Variants in MYO3B observed in about 807,000 individuals in gnomAD.
MYO3B encodes the protein myosin-IIIb.
In MYO3B, 156 loss-of-function variants were observed where a neutral mutation model predicts 174.6. That is an observed-to-expected ratio of 0.89 (90% confidence interval 0.78 to 1.02). MYO3B has a LOEUF of 1.02. MYO3B is among the 50% of genes least tolerant of loss of function. The pLI is 0.00. For missense variants in MYO3B, 1,632 were observed against 1,639.4 expected (o/e 1.00, Z 0.08); for synonymous variants, 563 against 569.1 (o/e 0.99, Z 0.15).
At chr2:170,628,850 A>AT (rs1302134937) in intron 32 of MYO3B, among the ~76,000 whole-genome samples, 3 of 152,060 alleles carry the variant, frequency 2.0e-5, no homozygotes, top group African/African-American at 4.8e-5. Context: ...TTACCAAACA[A>AT]TTTTTTTTAA....
chr2:170,357,563 T>C (rs1251975898), intron 8 of MYO3B, among the ~76,000 whole-genome samples: 1 of 151,876 alleles, frequency 6.6e-6, no homozygotes, highest in Non-Finnish European at 1.5e-5. Flanking sequence ...CATTTTTCTG[T>C]TTGGTTTATA....
chr2:170,606,158 T>A (rs59514317), intron 32 of MYO3B, among the ~76,000 whole-genome samples: 10,743 of 152,166 alleles, frequency 0.071, 1,176 homozygotes, highest in African/African-American at 0.23. Context: ...GAAGAAATAA[T>A]CTGCTTCGTG....
intron 7 of MYO3B, among the ~76,000 whole-genome samples, chr2:170,299,666 G>T (rs1477176188): frequency 6.6e-6 from 1 of 152,170 alleles, no homozygotes; most frequent in Non-Finnish European, 1.5e-5. Flanking sequence ...TTTGTAACTG[G>T]CAAATGGCAG....
chr2:170,288,171 G>T (rs1475052630), intron 7 of MYO3B, among the ~76,000 whole-genome samples: 1 of 151,232 alleles, frequency 6.6e-6, no homozygotes, highest in Non-Finnish European at 1.5e-5. Flanking sequence ...CTCCAGCTTC[G>T]CTCTTTTTGC....
At chr2:170,453,811 A>ATT (rs1683755940) in intron 23 of MYO3B, among the ~76,000 whole-genome samples, 1 of 152,190 alleles carries the variant, frequency 6.6e-6, no homozygotes, top group Non-Finnish European at 1.5e-5. Flanking sequence ...TTCCACACCC[A>ATT]GTATTGACCT....
intron 8 of MYO3B, chr2:170,340,112 C>G (rs1282865903): frequency 6.6e-6 from 1 of 152,162 alleles, no homozygotes; most frequent in Non-Finnish European, 1.5e-5. Flanking sequence ...TGTCACTTTT[C>G]TTTTTAAGTT....
At chr2:170,542,656 TA>T (rs1186598365) in intron 30 of MYO3B, among the ~76,000 whole-genome samples, 7 of 152,156 alleles carry the variant, frequency 4.6e-5, no homozygotes, top group African/African-American at 1.7e-4. Context: ...CACACAACTT[TA>T]AAAGGAGCAG....
chr2:170,625,208 G>T (rs1045438139), intron 32 of MYO3B, among the ~76,000 whole-genome samples: 9 of 152,096 alleles, frequency 5.9e-5, no homozygotes, highest in Non-Finnish European at 1.3e-4. Context: ...GACTTTTTTT[G>T]GTTGGTAAGC....
chr2:170,400,389 G>C, intron 17 of MYO3B, 75 bp downstream of exon 17: 29 of 1,345,204 alleles, frequency 2.2e-5, no homozygotes, highest in Non-Finnish European at 2.8e-5. Context: ...ATATAATGCA[G>C]CATTTGCTGG....
At chr2:170,425,523 G>T (rs995696770) in intron 22 of MYO3B, among the ~76,000 whole-genome samples, 1 of 152,154 alleles carries the variant, frequency 6.6e-6, no homozygotes, top group Non-Finnish European at 1.5e-5. Flanking sequence ...TTTGCATTTC[G>T]CAAGGGACTT....
chr2:170,645,586 T>C (rs1028511348), intron 32 of MYO3B, among the ~76,000 whole-genome samples: 1 of 152,042 alleles, frequency 6.6e-6, no homozygotes, highest in African/African-American at 2.4e-5. Flanking sequence ...TATATCTTAA[T>C]GCAAACTGAC....
intron 32 of MYO3B, among the ~76,000 whole-genome samples, chr2:170,578,987 G>T (rs1692967013): frequency 2.0e-5 from 3 of 152,100 alleles, no homozygotes. Context: ...GTAAATCCTG[G>T]GTAAACTCAA....
At chr2:170,443,944 G>A in intron 22 of MYO3B, 23 bp from the exon 23 acceptor site, 1 of 1,590,198 alleles carries the variant, frequency 6.3e-7, no homozygotes, top group Non-Finnish European at 8.6e-7. Flanking sequence ...TTTAATTTAT[G>A]TTCTTTGTGG....
intron 32 of MYO3B, among the ~76,000 whole-genome samples, chr2:170,580,855 A>G (rs970416696): frequency 2.0e-5 from 3 of 151,982 alleles, no homozygotes; most frequent in Admixed American, 1.3e-4. Flanking sequence ...AATGTTTCCA[A>G]TATTTATCAC....
intron 30 of MYO3B, among the ~76,000 whole-genome samples, chr2:170,528,741 G>A (rs1559086735): frequency 6.6e-6 from 1 of 152,160 alleles, no homozygotes; most frequent in Non-Finnish European, 1.5e-5. Context: ...TGCATCAGAC[G>A]ACGATGGACG....
intron 32 of MYO3B, among the ~76,000 whole-genome samples, chr2:170,569,339 C>T (rs1383481740): frequency 6.6e-6 from 1 of 152,084 alleles, no homozygotes; most frequent in Non-Finnish European, 1.5e-5. Flanking sequence ...ATATGTTCTT[C>T]CCTTCACAAT....
chr2:170,401,827 G>T, intron 18 of MYO3B, 136 bp downstream of exon 18: 1 of 767,478 alleles, frequency 1.3e-6, no homozygotes, highest in South Asian at 1.9e-5. Flanking sequence ...TGTGGAGTCA[G>T]AGTCTCACGC....
intron 32 of MYO3B, among the ~76,000 whole-genome samples, chr2:170,625,482 T>G (rs1696329968): frequency 6.6e-6 from 1 of 152,238 alleles, no homozygotes; most frequent in Admixed American, 6.5e-5. Flanking sequence ...CTATCAATTT[T>G]GTTGATCTTT....
intron 32 of MYO3B, among the ~76,000 whole-genome samples, chr2:170,621,993 A>G (rs1427889133): frequency 6.6e-6 from 1 of 152,186 alleles, no homozygotes; most frequent in Non-Finnish European, 1.5e-5. Flanking sequence ...GACCCTCAGG[A>G]AGTAATCTTG....
Sources: gnomAD v4.1 joint callset for allele counts (sites outside exome capture counted in the v4.1 genomes callset) on GRCh38, gnomAD v4.1.1 for gene constraint, MANE v1.5 for transcripts, NCBI Gene and HGNC (gene_info 2026-07-23, HGNC 2026-07-21) for gene names.